The following TMEM260 variants were observed in gnomAD, a reference collection of about 807,000 sequenced individuals.
TMEM260 encodes transmembrane protein 260.
A neutral mutation model predicts 88.9 loss-of-function variants in TMEM260; 82 were observed. That is an observed-to-expected ratio of 0.92 (90% CI 0.77 to 1.11). The LOEUF is 1.11. TMEM260 is among the 50% of genes least tolerant of loss of function. The probability of loss-of-function intolerance (pLI) is 0.00; values close to 1 mark genes in which losing one functional copy is unlikely to be tolerated. For synonymous variants in TMEM260, 314 were observed against 309.3 expected (o/e 1.02, Z -0.16); for missense variants, 902 against 853.4 (o/e 1.06, Z -0.71).
chr14:56,599,436 A>T (rs1434954940), intron 3 of TMEM260, among the ~76,000 whole-genome samples: 1 of 152,176 alleles, frequency 6.6e-6, no homozygotes, highest in Non-Finnish European at 1.5e-5. Context: ...CTGAGCATTA[A>T]TTGCTACCTA....
chr14:56,592,245 A>G (rs1385661201), intron 3 of TMEM260, among the ~76,000 whole-genome samples: 2 of 152,210 alleles, frequency 1.3e-5, no homozygotes, highest in African/African-American at 4.8e-5. Flanking sequence ...TTCATTAAAG[A>G]TGGAAATATT....
chr14:56,622,962 C>G (rs1888026250), intron 11 of TMEM260, among the ~76,000 whole-genome samples: 1 of 151,986 alleles, frequency 6.6e-6, no homozygotes, highest in South Asian at 2.1e-4. Context: ...TAACATGGTT[C>G]CACACTATGA....
the TMEM260 span, among the ~76,000 whole-genome samples, chr14:56,661,171 C>T: frequency 6.6e-6 from 1 of 152,210 alleles, no homozygotes; most frequent in African/African-American, 2.4e-5. Flanking sequence ...CTGGAGGATC[C>T]AACCCTGGGC....
At chr14:56,613,192 C>T (rs553822932) in intron 7 of TMEM260, 3 of 152,186 alleles carry the variant, frequency 2.0e-5, no homozygotes, top group African/African-American at 7.2e-5. Context: ...GTTTCTACAA[C>T]ACTAAAGTGA....
chr14:56,644,063 T>G (rs1375448363), intron 15 of TMEM260, among the ~76,000 whole-genome samples: 1 of 152,056 alleles, frequency 6.6e-6, no homozygotes. Context: ...ATCAATTGCG[T>G]GAAAATGGCC....
intron 3 of TMEM260, among the ~76,000 whole-genome samples, chr14:56,590,630 C>G (rs1447266337): frequency 2.0e-5 from 3 of 152,216 alleles, no homozygotes; most frequent in Non-Finnish European, 4.4e-5. Context: ...GTTCACTTTC[C>G]TAAGTCCCAT....
chr14:56,640,023 G>GGCCTGCGTGCCT (rs1296518315), intron 15 of TMEM260, among the ~76,000 whole-genome samples: 4 of 152,224 alleles, frequency 2.6e-5, no homozygotes, highest in Non-Finnish European at 5.9e-5. Context: ...AGCTCAAGGA[G>GGCCTGCGTGCCT]GCCTGCGTGC....
At chr14:56,599,594 T>TA (rs922660697) in intron 3 of TMEM260, among the ~76,000 whole-genome samples, 9 of 152,220 alleles carry the variant, frequency 5.9e-5, no homozygotes, top group African/African-American at 1.9e-4. Context: ...AGGTAAACTT[T>TA]AAAAAAAATT....
At chr14:56,650,253 C>T (rs966240246), downstream of TMEM260, 15 of 341,252 alleles carry the variant, frequency 4.4e-5, 1 homozygote, top group South Asian at 1.6e-4. Context: ...GCCTGGACTT[C>T]GGCCTGAAGA....
At chr14:56,641,207 T>C (rs184748185) in intron 15 of TMEM260, among the ~76,000 whole-genome samples, 13 of 151,546 alleles carry the variant, frequency 8.6e-5, no homozygotes, top group African/African-American at 3.2e-4. Context: ...CCAAGACACA[T>C]GATTGTCAGA....
chr14:56,619,599 A>G (rs568532830), intron 10 of TMEM260: 1 of 152,352 alleles, frequency 6.6e-6, no homozygotes, highest in Admixed American at 6.5e-5. Flanking sequence ...AAAGACGTCT[A>G]AGTCTTAGAC....
At chr14:56,593,659 G>A (rs1378078896) in intron 3 of TMEM260, among the ~76,000 whole-genome samples, 2 of 132,820 alleles carry the variant, frequency 1.5e-5, no homozygotes, top group African/African-American at 5.6e-5. Flanking sequence ...TTGATTATTG[G>A]TATTGACAGG....
Position 56,625,545 on chromosome 14 carries a change from TA to T in TMEM260, c.1547+16del, listed in dbSNP as rs777360453. On this transcript the variant is annotated intron_variant, in intron 12 of 15. Transcript: ENST00000261556. Reference sequence around the variant, plus strand: ...GTAAATAAACAGTAAGCATTCTTTTTATATAATAGCTTTTCTAAAATCTTAA... The same window carrying T: ...GTAAATAAACAGTAAGCATTCTTTTTTATAATAGCTTTTCTAAAATCTTAA... 40 of 1,567,846 alleles carry T rather than the reference TA, an allele frequency of 2.6e-5. 1 individual carries two copies. In the South Asian group the frequency reaches 4.6e-4, roughly 18 times the overall value.
chr14:56,593,664 G>C (rs1886010137), intron 3 of TMEM260, among the ~76,000 whole-genome samples: 1 of 130,786 alleles, frequency 7.6e-6, no homozygotes, highest in Non-Finnish European at 1.6e-5. Context: ...TATTGGTATT[G>C]ACAGGTGAGT....
intron 3 of TMEM260, among the ~76,000 whole-genome samples, chr14:56,597,099 G>A (rs1471280528): frequency 6.6e-6 from 1 of 152,058 alleles, no homozygotes; most frequent in African/African-American, 2.4e-5. Flanking sequence ...TGCAAAAGAC[G>A]ATGCTTATAC....
chr14:56,646,830 A>G (rs201281048), intron 15 of TMEM260, among the ~76,000 whole-genome samples: 1 of 149,836 alleles, frequency 6.7e-6, no homozygotes, highest in Non-Finnish European at 1.5e-5. Flanking sequence ...TTCTTTTTCC[A>G]GGCAGTCTTC....
At chr14:56,660,576 G>A in the TMEM260 span, among the ~76,000 whole-genome samples, 34 of 152,288 alleles carry the variant, frequency 2.2e-4, no homozygotes, top group East Asian at 4.8e-3. Context: ...CTTAGAGATG[G>A]GGAATTTGGA....
At chr14:56,622,988 A>C (rs1318229659) in intron 11 of TMEM260, among the ~76,000 whole-genome samples, 2 of 152,218 alleles carry the variant, frequency 1.3e-5, no homozygotes, top group East Asian at 3.8e-4. Context: ...AACACTGTTT[A>C]GAATGTCAGC....
chr14:56,662,787 GCA>G, the TMEM260 span, among the ~76,000 whole-genome samples: 8 of 152,348 alleles, frequency 5.3e-5, no homozygotes, highest in East Asian at 5.8e-4. Context: ...CATTTGGGAA[GCA>G]CAGTTTTAAT....
Sources: gnomAD v4.1 joint callset for allele counts (sites outside exome capture counted in the v4.1 genomes callset) on GRCh38, gnomAD v4.1.1 for gene constraint, MANE v1.5 for transcripts, NCBI Gene and HGNC (gene_info 2026-07-23, HGNC 2026-07-21) for gene names.